Variants in FXN observed in about 807,000 individuals in gnomAD.
FXN encodes frataxin, also known as frataxin, mitochondrial.
In FXN, 14 loss-of-function variants were observed where a neutral mutation model predicts 22.4. That is an observed-to-expected ratio of 0.62 (90% CI 0.41 to 0.98). The LOEUF is 0.98. Among genes scored for constraint, FXN ranks in the 50% least tolerant of loss-of-function variants. FXN has a pLI of 0.00. For synonymous variants in FXN, 120 were observed against 114.1 expected (o/e 1.05, Z -0.33); for missense variants, 267 against 268.4 (o/e 0.99, Z 0.04).
chr9:69,070,910 A>G (rs528061059), intron 4 of FXN, among the ~76,000 whole-genome samples: 29 of 151,956 alleles, frequency 1.9e-4, no homozygotes, highest in South Asian at 8.3e-4. Flanking sequence ...GCTTCAAGCA[A>G]TCCTCCCACA....
chr9:69,050,866 C>T (rs1374012208), intron 2 of FXN, among the ~76,000 whole-genome samples: 11 of 151,962 alleles, frequency 7.2e-5, no homozygotes, highest in African/African-American at 1.7e-4. Flanking sequence ...CTGCAACCTC[C>T]GCCTCCTGGG....
At chr9:69,043,888 G>GT (rs1343856865) in intron 1 of FXN, among the ~76,000 whole-genome samples, 1 of 151,932 alleles carries the variant, frequency 6.6e-6, no homozygotes, top group African/African-American at 2.4e-5. Flanking sequence ...CCGGCCTCAT[G>GT]TTTTTTATTT....
rs749495089 is a variant in FXN at position 69,037,672 on chromosome 9, GT to G, written c.165+1729del. The stretch of plus-strand genomic sequence containing the variant: ...CAGCATGGGTTGTCAGCAGAGTTGT[GT>G]TTTGTTTTGTTTTTTTGAGACAGAG... On this transcript the variant is annotated intron_variant, in intron 1 of 4. Transcript: ENST00000484259. Among the ~76,000 whole-genome samples the G allele has an allele frequency of 3.0e-4, 45 of 152,148 alleles. 1 individual carries two copies. Among genetic ancestry groups the G allele is most frequent in the South Asian group, 2.1e-3 (10 of 4,820 alleles).
At chr9:69,037,047 T>G (rs1279245535) in intron 1 of FXN, among the ~76,000 whole-genome samples, 4 of 152,106 alleles carry the variant, frequency 2.6e-5, no homozygotes, top group Non-Finnish European at 4.4e-5. Context: ...AGGCTTGAAC[T>G]TCCCACACGT....
rs1263276136 is a variant in FXN at position 69,075,103 on chromosome 9, A to G, written c.*2341A>G. 1 of 985,284 alleles carries G rather than the reference A, an allele frequency of 1.0e-6. No homozygotes were observed. The highest frequency in any genetic ancestry group is 6.2e-5 in the Admixed American group (1 of 16,250). The allele number at this position is 985,284 out of a possible 1,614,324, so 61.0% of individuals were successfully genotyped here. On this transcript the variant is annotated 3_prime_UTR_variant, in exon 5 of 5. Coordinates refer to ENST00000484259, the MANE Select transcript of FXN (RefSeq NM_000144.5). ...TTCAGGCCTATTTTACTTTCATTTT[A>G]CATATAGCTCTAATTGGTTTGATTA...
chr9:69,075,285 C>G lies in FXN; in HGVS notation c.*2523C>G, dbSNP rs1832345165. The stretch of plus-strand genomic sequence containing the variant: ...CCAGCCTGGCCAACATGGCAAAATC[C>G]CGTCTCTACTAAAAATATTAAAAAA... On this transcript the variant is annotated 3_prime_UTR_variant, in exon 5 of 5. Transcript: ENST00000484259. 3.0e-6 allele frequency: 2 copies of G among 664,808 alleles called. No individual in the cohort carries two copies. The highest frequency in any genetic ancestry group is 1.3e-4 in the Admixed American group (2 of 15,856). 41.2% of individuals were successfully genotyped at this position (664,808 alleles called of 1,614,324 possible). A position where few individuals can be genotyped will look rare whatever the true frequency, so the allele number is the denominator to read the frequency against.
chr9:69,052,744 A>C (rs988179130), intron 2 of FXN, among the ~76,000 whole-genome samples: 3 of 151,530 alleles, frequency 2.0e-5, no homozygotes, highest in African/African-American at 7.3e-5. Context: ...GGGTTTCACC[A>C]TGTTAGCCAG....
At chr9:69,046,239 A>G (rs1234729338) in intron 1 of FXN, 146 bp from the exon 2 acceptor site, 2 of 680,772 alleles carry the variant, frequency 2.9e-6, no homozygotes, top group Non-Finnish European at 5.2e-6. Flanking sequence ...TTTTTTTAAG[A>G]AAAGCAACAT....
At position 69,075,815 on chromosome 9, in the gene FXN, C is replaced by G; in HGVS notation, c.*3053C>G. ...GTACAATCAAAGCTCATGGCAGCCTCGACCTCCCTGGGCTTGGGCAATCCT... is the reference window on the plus strand; with the variant it reads ...GTACAATCAAAGCTCATGGCAGCCTGGACCTCCCTGGGCTTGGGCAATCCT... On this transcript the variant is annotated 3_prime_UTR_variant, in exon 5 of 5. Transcript: ENST00000484259. 2.8e-6 allele frequency: 2 copies of G among 714,630 alleles called. No individual in the cohort carries two copies. The highest frequency in any genetic ancestry group is 3.4e-6 in the Non-Finnish European group (2 of 583,364). 44.3% of individuals were successfully genotyped at this position (714,630 alleles called of 1,614,324 possible).
rs71500346 is a variant in FXN at position 69,078,500 on chromosome 9, AG to A, written c.*5740del. The A allele has an allele frequency of 1.0e-6, 1 of 980,082 alleles. No individual in the cohort carries two copies. Among genetic ancestry groups the A allele is most frequent in the Non-Finnish European group, 1.2e-6 (1 of 827,970 alleles). The allele number at this position is 980,082 out of a possible 1,614,324, so 60.7% of individuals were successfully genotyped here. On this transcript the variant is annotated 3_prime_UTR_variant, in exon 5 of 5. Coordinates refer to ENST00000484259, the MANE Select transcript of FXN (RefSeq NM_000144.5). ...CAGTCTCCAGGGTAAGCTTTCAGAA[AG>A]GCAATCTCTTGTCTGTAAAACCTAA...
chr9:69,072,124 T>C (rs778553167), intron 4 of FXN, among the ~76,000 whole-genome samples: 1 of 152,202 alleles, frequency 6.6e-6, no homozygotes, highest in Non-Finnish European at 1.5e-5. Flanking sequence ...GATGCAGATG[T>C]TTTGAAGCTA....
At position 69,035,849 on chromosome 9, in the gene FXN, A is replaced by C; in HGVS notation, c.67A>C (p.Thr23Pro). 1 of 1,500,362 alleles carries C rather than the reference A, an allele frequency of 6.7e-7. No homozygotes were observed. Among genetic ancestry groups the C allele is most frequent in the Non-Finnish European group, 8.8e-7 (1 of 1,131,668 alleles). 92.9% of individuals were successfully genotyped at this position (1,500,362 alleles called of 1,614,324 possible). A position where few individuals can be genotyped will look rare whatever the true frequency, so the allele number is the denominator to read the frequency against. Residue 23 changes from threonine to proline, a missense_variant, in exon 1 of 5, where the codon ACC becomes CCC. Coordinates refer to ENST00000484259, the MANE Select transcript of FXN (RefSeq NM_000144.5). ...GTCACCCAGCCCAGCCCAGGCCCAG[A>C]CCCTCACCCGGGTCCCGCGGCCGGC... ...LASPSPAQAQ[T>P]LTRVPRPAEL...
At chr9:69,071,413 G>A (rs951008249) in intron 4 of FXN, among the ~76,000 whole-genome samples, 2 of 152,176 alleles carry the variant, frequency 1.3e-5, no homozygotes, top group Non-Finnish European at 2.9e-5. Flanking sequence ...CTCCTTGAGT[G>A]CTCAGGCAGA....
intron 1 of FXN, among the ~76,000 whole-genome samples, chr9:69,041,064 C>T (rs1188867267): frequency 6.6e-6 from 1 of 152,168 alleles, no homozygotes; most frequent in African/African-American, 2.4e-5. Flanking sequence ...ATAACAAATA[C>T]TTGTATCCCT....
In FXN at chr9:69,074,512, T is replaced by A. The variant is rs1832332301; in HGVS notation, c.*1750T>A. 1 of 956,032 alleles carries A rather than the reference T, an allele frequency of 1.0e-6. No individual in the cohort carries two copies. Among genetic ancestry groups the A allele is most frequent in the Non-Finnish European group, 1.2e-6 (1 of 819,636 alleles). The allele number at this position is 956,032 out of a possible 1,614,324, so 59.2% of individuals were successfully genotyped here. A position where few individuals can be genotyped will look rare whatever the true frequency, so the allele number is the denominator to read the frequency against. Reference sequence around the variant, plus strand: ...TCGTACCTGAGCGACAGAGCGAGACTCCGTCTCAAAAAAAAAAAAAAGGAG... The same window carrying A: ...TCGTACCTGAGCGACAGAGCGAGACACCGTCTCAAAAAAAAAAAAAAGGAG... On this transcript the variant is annotated 3_prime_UTR_variant, in exon 5 of 5. Coordinates refer to ENST00000484259, the MANE Select transcript of FXN (RefSeq NM_000144.5).
intron 4 of FXN, chr9:69,071,235 A>T (rs935107584): frequency 5.8e-6 from 3 of 518,870 alleles, no homozygotes; most frequent in Non-Finnish European, 1.2e-5. Context: ...GTGGTTTATT[A>T]GTCCTTTTCC....
At chr9:69,049,748 C>T (rs1188102060) in intron 2 of FXN, among the ~76,000 whole-genome samples, 2 of 152,102 alleles carry the variant, frequency 1.3e-5, no homozygotes, top group African/African-American at 2.4e-5. Flanking sequence ...AATTCCAGAA[C>T]ATTTTCATTA....
chr9:69,044,491 T>C (rs1440918625), intron 1 of FXN, among the ~76,000 whole-genome samples: 1 of 152,168 alleles, frequency 6.6e-6, no homozygotes, highest in Admixed American at 6.6e-5. Flanking sequence ...CTGAGTTTGC[T>C]AAGGGCACTG....
At chr9:69,037,443 C>T (rs888198499) in intron 1 of FXN, among the ~76,000 whole-genome samples, 4 of 151,456 alleles carry the variant, frequency 2.6e-5, no homozygotes, top group African/African-American at 9.7e-5. Context: ...CCGGCCTGGG[C>T]GACAGAGCAA....
Sources: gnomAD v4.1 joint callset for allele counts (sites outside exome capture counted in the v4.1 genomes callset) on GRCh38, gnomAD v4.1.1 for gene constraint, MANE v1.5 for transcripts, NCBI Gene and HGNC (gene_info 2026-07-23, HGNC 2026-07-21) for gene names.